Variants in CRISPLD1 observed in about 807,000 individuals in gnomAD.
CRISPLD1 encodes the protein cysteine rich secretory protein LCCL domain containing 1, also known as cysteine-rich secretory protein LCCL domain-containing 1.
Under a neutral mutation model 77.5 loss-of-function variants are expected in CRISPLD1, and 60 were observed. The ratio of observed to expected loss-of-function variants is 0.77; its 90% CI spans 0.63 to 0.96. The LOEUF (loss-of-function observed/expected upper bound fraction) is 0.96. Ranked by LOEUF, CRISPLD1 falls within the 40% of genes least tolerant of loss-of-function variation. CRISPLD1 has a pLI of 0.00. For missense variants in CRISPLD1, 623 were observed against 615.8 expected, an observed-to-expected ratio of 1.01 and a Z score of -0.12; for synonymous variants, 195 against 200.1, an observed-to-expected ratio of 0.97 and a Z score of 0.22.
rs554512140 is a variant in CRISPLD1 at position 74,984,532 on chromosome 8, G to T, written c.-451G>T. 2 of 152,440 alleles carry T rather than the reference G, an allele frequency of 1.3e-5. No individual in the cohort carries two copies. The highest frequency in any genetic ancestry group is 2.1e-4 in the South Asian group (1 of 4,832). The allele number at this position is 152,440 out of a possible 1,614,324, so 9.4% of individuals were successfully genotyped here. On this transcript the variant is annotated 5_prime_UTR_variant, in exon 1 of 15. Coordinates refer to ENST00000262207, the MANE Select transcript of CRISPLD1 (RefSeq NM_031461.6). ...AAGCGCTAGGCGCCTGGTTCTGCGCGTACTGGCTGTACGGAGCAGGAGCAA... is the reference window on the plus strand; with the variant it reads ...AAGCGCTAGGCGCCTGGTTCTGCGCTTACTGGCTGTACGGAGCAGGAGCAA...
intron 6 of CRISPLD1, among the ~76,000 whole-genome samples, chr8:75,015,375 T>G (rs1813010157): frequency 6.6e-6 from 1 of 152,170 alleles, no homozygotes; most frequent in African/African-American, 2.4e-5. Flanking sequence ...CTGCACACTA[T>G]TCAATTTGTC....
chr8:75,031,372 A>G (rs1483923004), intron 14 of CRISPLD1, among the ~76,000 whole-genome samples: 2 of 152,094 alleles, frequency 1.3e-5, no homozygotes, highest in African/African-American at 2.4e-5. Context: ...AAAAGCTTCA[A>G]AAGCTTACAG....
intron 2 of CRISPLD1, among the ~76,000 whole-genome samples, chr8:74,995,272 G>GC (rs1279811350): frequency 6.6e-6 from 1 of 152,182 alleles, no homozygotes; most frequent in Non-Finnish European, 1.5e-5. Flanking sequence ...AGGGTGATCA[G>GC]CTCTGTCAAA....
At position 75,032,175 on chromosome 8, in the gene CRISPLD1, T is replaced by G; in HGVS notation, c.1452-16T>G. The G allele has an allele frequency of 6.2e-6, 2 of 320,584 alleles. No homozygotes were observed. Among genetic ancestry groups the G allele is most frequent in the Non-Finnish European group, 8.4e-6 (2 of 237,846 alleles). The allele number at this position is 320,584 out of a possible 1,614,324, so 19.9% of individuals were successfully genotyped here. ...ATGACATCAATATACTTTTCATATA[T>G]TTTTTTTTTTTGCAGTTTACAGAAT... On this transcript the variant is annotated splice_polypyrimidine_tract_variant and intron_variant, in intron 14 of 14. Transcript: ENST00000262207.
At chr8:75,004,664 G>A (rs1224871094) in intron 2 of CRISPLD1, among the ~76,000 whole-genome samples, 3 of 151,924 alleles carry the variant, frequency 2.0e-5, no homozygotes, top group Non-Finnish European at 4.4e-5. Flanking sequence ...ATTTGGGGAG[G>A]GATCGAAATA....
chr8:75,010,419 A>G (rs1291589975), intron 2 of CRISPLD1, among the ~76,000 whole-genome samples: 1 of 151,952 alleles, frequency 6.6e-6, no homozygotes, highest in Non-Finnish European at 1.5e-5. Context: ...TTCTCTCTAG[A>G]CTCTGGCATC....
At position 74,985,955 on chromosome 8, in the gene CRISPLD1, G is replaced by T; in HGVS notation, c.-33G>T. 6.3e-7 allele frequency: 1 copy of T among 1,591,578 alleles called. No homozygotes were observed. Among genetic ancestry groups the T allele is most frequent in the Non-Finnish European group, 8.6e-7 (1 of 1,164,920 alleles). On this transcript the variant is annotated 5_prime_UTR_variant, in exon 2 of 15. Transcript: ENST00000262207. ...AAGGAGTGGAAGAGCCTGTCTTGGA[G>T]ATTTTCCTGGGGAAATCCTGAGGTC...
chr8:75,013,156 G>T, intron 4 of CRISPLD1, 134 bp downstream of exon 4: 1 of 637,298 alleles, frequency 1.6e-6, no homozygotes, highest in Non-Finnish European at 2.3e-6. Flanking sequence ...TGATTATGTT[G>T]AATTGGCTTA....
At chr8:74,992,086 G>T (rs911985353) in intron 2 of CRISPLD1, among the ~76,000 whole-genome samples, 5 of 152,148 alleles carry the variant, frequency 3.3e-5, no homozygotes, top group African/African-American at 1.2e-4. Context: ...TTCATTGATT[G>T]AATATTGTTG....
intron 2 of CRISPLD1, among the ~76,000 whole-genome samples, chr8:75,008,847 C>G (rs1395287843): frequency 1.3e-5 from 2 of 152,002 alleles, no homozygotes; most frequent in African/African-American, 4.8e-5. Flanking sequence ...TTTCAGCTAA[C>G]AAATTTACAA....
intron 2 of CRISPLD1, among the ~76,000 whole-genome samples, chr8:75,005,942 G>A (rs369526074): frequency 4.7e-4 from 71 of 152,122 alleles, no homozygotes; most frequent in African/African-American, 1.4e-3. Flanking sequence ...TAGATTCAGG[G>A]GGTACAGGTG....
intron 10 of CRISPLD1, 147 bp downstream of exon 10, chr8:75,017,597 G>C: frequency 1.4e-6 from 1 of 738,888 alleles, no homozygotes; most frequent in Non-Finnish European, 2.0e-6. Context: ...AGTTTTCTTA[G>C]ACAAAAAGAA....
chr8:75,009,440 AGG>A (rs1377530725), intron 2 of CRISPLD1, among the ~76,000 whole-genome samples: 1 of 152,058 alleles, frequency 6.6e-6, no homozygotes, highest in Non-Finnish European at 1.5e-5. Flanking sequence ...TCAAGGGAAG[AGG>A]GGGGAATTCA....
At chr8:75,031,596 T>C (rs910148894) in intron 14 of CRISPLD1, among the ~76,000 whole-genome samples, 14 of 151,902 alleles carry the variant, frequency 9.2e-5, no homozygotes. Context: ...TGTGTGTGTG[T>C]ATTTTTTCAT....
chr8:75,030,415 T>A (rs1459302237), intron 14 of CRISPLD1, among the ~76,000 whole-genome samples: 1 of 152,118 alleles, frequency 6.6e-6, no homozygotes, highest in Non-Finnish European at 1.5e-5. Context: ...TTAAACAGAA[T>A]AATATATAAA....
intron 12 of CRISPLD1, among the ~76,000 whole-genome samples, chr8:75,021,192 G>T (rs1427044924): frequency 2.0e-5 from 3 of 152,164 alleles, no homozygotes; most frequent in African/African-American, 7.2e-5. Context: ...CTTTTGAAAT[G>T]AAAGCAATGT....
intron 10 of CRISPLD1, 48 bp downstream of exon 10, chr8:75,017,498 A>T (rs373503585): frequency 3.3e-6 from 5 of 1,508,616 alleles, no homozygotes; most frequent in Non-Finnish European, 4.5e-6. Flanking sequence ...AAATTGTAAC[A>T]GTGAGCTAAC....
chr8:75,017,300 A>G lies in CRISPLD1; in HGVS notation c.997-20A>G, dbSNP rs764455539. ...ACTCTAATATTTTTAACATCTTTTT[A>G]TCTCCTCCTTTTTTCCAAGCAATCC... On this transcript the variant is annotated intron_variant, in intron 9 of 14. Coordinates refer to ENST00000262207, the MANE Select transcript of CRISPLD1 (RefSeq NM_031461.6). The G allele has an allele frequency of 3.1e-6, 5 of 1,605,686 alleles. No individual in the cohort carries two copies. The East Asian group carries it at 6.7e-5, about 22-fold the overall frequency.
chr8:74,994,167 A>C (rs1812614382), intron 2 of CRISPLD1, among the ~76,000 whole-genome samples: 1 of 152,228 alleles, frequency 6.6e-6, no homozygotes. Context: ...ACAGGAAGAC[A>C]AGGCAATTGC....
Sources: gnomAD v4.1 joint callset for allele counts (sites outside exome capture counted in the v4.1 genomes callset) on GRCh38, gnomAD v4.1.1 for gene constraint, MANE v1.5 for transcripts, NCBI Gene and HGNC (gene_info 2026-07-23, HGNC 2026-07-21) for gene names.